The following VPS53 variants were observed in gnomAD, a reference collection of about 807,000 sequenced individuals.
The protein encoded by VPS53 is vacuolar protein sorting-associated protein 53 homolog.
Under a neutral mutation model 107.0 loss-of-function variants are expected in VPS53, and 70 were observed. That is an observed-to-expected ratio of 0.65 (90% CI 0.54 to 0.80). The LOEUF is 0.80. Ranked by LOEUF, VPS53 falls within the 30% of genes least tolerant of loss-of-function variation. The probability of loss-of-function intolerance (pLI) is 0.00; values close to 1 mark genes in which losing one functional copy is unlikely to be tolerated. For synonymous variants in VPS53, 409 were observed against 393.3 expected, an observed-to-expected ratio of 1.04 and a Z score of -0.47; for missense variants, 917 against 1,049.4, an observed-to-expected ratio of 0.87 and a Z score of 1.74.
At chr17:630,569 C>A (rs1307150788) in intron 8 of VPS53, among the ~76,000 whole-genome samples, 2 of 152,166 alleles carry the variant, frequency 1.3e-5, no homozygotes, top group Non-Finnish European at 2.9e-5. Flanking sequence ...TAGCAGACAG[C>A]CACAAAATGT....
chr17:677,323 A>G (rs968290241), intron 4 of VPS53, among the ~76,000 whole-genome samples: 1 of 152,224 alleles, frequency 6.6e-6, no homozygotes, highest in African/African-American at 2.4e-5. Flanking sequence ...CCTGAAGACC[A>G]CAGAAGTGAA....
intron 13 of VPS53, among the ~76,000 whole-genome samples, chr17:570,060 C>G (rs1913894554): frequency 6.6e-6 from 1 of 152,010 alleles, no homozygotes; most frequent in African/African-American, 2.4e-5. Flanking sequence ...AACATCTACA[C>G]CAAGTAATAA....
intron 7 of VPS53, among the ~76,000 whole-genome samples, chr17:639,695 GC>G (rs764340503): frequency 6.6e-6 from 1 of 152,210 alleles, no homozygotes; most frequent in Admixed American, 6.5e-5. Context: ...GATGCTGTTT[GC>G]CTGGGTATCA....
At chr17:624,662 G>A (rs1969613988) in intron 10 of VPS53, among the ~76,000 whole-genome samples, 1 of 152,210 alleles carries the variant, frequency 6.6e-6, no homozygotes, top group Non-Finnish European at 1.5e-5. Flanking sequence ...GGCAGGTACT[G>A]GCGCTCACAA....
chr17:547,513 G>A (rs1342245409), intron 17 of VPS53, among the ~76,000 whole-genome samples: 1 of 152,204 alleles, frequency 6.6e-6, no homozygotes, highest in Non-Finnish European at 1.5e-5. Context: ...TGGTTGTCAG[G>A]GGAATGTAGA....
Position 710,544 on chromosome 17 carries a change from G to A in VPS53, c.157C>T (p.Pro53Ser). 6.2e-7 allele frequency: 1 copy of A among 1,613,794 alleles called. No homozygotes were observed. Among genetic ancestry groups the A allele is most frequent in the Non-Finnish European group, 8.5e-7 (1 of 1,179,842 alleles). Residue 53 changes from proline (P) to serine (S), a missense_variant, in exon 2 of 22, where the codon CCA becomes TCA. Transcript: ENST00000437048. ...NAVEYINTLFPTEQSLANIDE... is the reference protein window; with the variant it reads ...NAVEYINTLFSTEQSLANIDE... ...GAAACTCTACTTACTTGCTCGGTTG[G>A]GAACAGGGTATTGATATACTCAACA... is the stretch of plus-strand genomic sequence containing the variant.
intron 4 of VPS53, 73 bp from the exon 5 acceptor site, chr17:661,968 T>C (rs1168199881): frequency 7.7e-7 from 1 of 1,294,518 alleles, no homozygotes; most frequent in Non-Finnish European, 1.1e-6. Flanking sequence ...TAATCAATGC[T>C]AGGCACAAAA....
intron 4 of VPS53, among the ~76,000 whole-genome samples, chr17:672,165 CACAA>C (rs1351177014): frequency 7.2e-5 from 10 of 138,202 alleles, no homozygotes; most frequent in East Asian, 2.3e-4. Flanking sequence ...CTCTCTCTCA[CACAA>C]TCTCAATCTC....
chr17:653,425 T>C lies in VPS53; in HGVS notation c.489-15A>G, dbSNP rs930105460. 1 of 1,614,186 alleles carries C rather than the reference T, an allele frequency of 6.2e-7. No individual in the cohort carries two copies. Among genetic ancestry groups the C allele is most frequent in the Admixed American group, 1.7e-5 (1 of 60,022 alleles). On this transcript the variant is annotated splice_polypyrimidine_tract_variant and intron_variant, in intron 6 of 21. Transcript: ENST00000437048. ...TGGTCATGGCTCTGCAAGGAAAGAATAAGTTTAAAAGTCTAGAAAAACACT... is the reference window on the plus strand; with the variant it reads ...TGGTCATGGCTCTGCAAGGAAAGAACAAGTTTAAAAGTCTAGAAAAACACT...
rs561465772 is a variant in VPS53 at position 670,736 on chromosome 17, C to A, written c.286-8841G>T. On this transcript the variant is annotated intron_variant, in intron 4 of 21. Transcript: ENST00000437048. ...CTTTCAGAGATTTTAAACCGAGATC[C>A]CCTTTGTGGCCACTGCAGGAAGGAG... 5.3e-5 allele frequency among the ~76,000 whole-genome samples: 8 copies of A among 152,232 alleles called. 1 individual carries two copies. In the South Asian group the frequency reaches 1.7e-3, roughly 32 times the overall value.
chr17:537,445 C>G (rs1401832070), intron 17 of VPS53: 1 of 372,252 alleles, frequency 2.7e-6, no homozygotes, highest in Non-Finnish European at 4.9e-6. Flanking sequence ...ACAGCCTTCC[C>G]TTCTCAGCTA....
At chr17:704,650 T>C (rs1973332807) in intron 2 of VPS53, among the ~76,000 whole-genome samples, 2 of 152,210 alleles carry the variant, frequency 1.3e-5, no homozygotes, top group South Asian at 4.1e-4. Flanking sequence ...GTGTCATAAA[T>C]GTTCTGAGTT....
chr17:600,901 A>G (rs1322020038), intron 12 of VPS53: 1 of 152,256 alleles, frequency 6.6e-6, no homozygotes, highest in Non-Finnish European at 1.5e-5. Flanking sequence ...ACAATCATTT[A>G]ATCAAGGGAC....
intron 7 of VPS53, among the ~76,000 whole-genome samples, chr17:644,588 T>A (rs76514347): frequency 0.027 from 2,914 of 109,400 alleles, 42 homozygotes; most frequent in Non-Finnish European, 0.038. Flanking sequence ...TTTAGTGTTA[T>A]TTTTTTTTTT....
At chr17:628,009 C>G in intron 9 of VPS53, 79 bp downstream of exon 9, 1 of 1,416,032 alleles carries the variant, frequency 7.1e-7, no homozygotes, top group Non-Finnish European at 9.6e-7. Context: ...AATACGAGGT[C>G]TAAATTAGTA....
chr17:543,037 G>T (rs1227165535), intron 17 of VPS53, among the ~76,000 whole-genome samples: 1 of 151,994 alleles, frequency 6.6e-6, no homozygotes, highest in Non-Finnish European at 1.5e-5. Context: ...TTGTCATAAT[G>T]GGAAAAATCT....
intron 7 of VPS53, among the ~76,000 whole-genome samples, chr17:633,662 A>C (rs1970058217): frequency 6.6e-6 from 1 of 152,152 alleles, no homozygotes; most frequent in Admixed American, 6.5e-5. Context: ...GTGGGTTTGT[A>C]GCCTTTTGAG....
intron 11 of VPS53, among the ~76,000 whole-genome samples, chr17:623,016 T>A (rs1392495383): frequency 1.3e-5 from 2 of 151,918 alleles, no homozygotes; most frequent in African/African-American, 2.4e-5. Flanking sequence ...GGAGTGAAAA[T>A]TTGGACCTGG....
chr17:610,766 A>C (rs1963185081), intron 11 of VPS53, among the ~76,000 whole-genome samples: 1 of 150,666 alleles, frequency 6.6e-6, no homozygotes, highest in Non-Finnish European at 1.5e-5. Context: ...AAAAAAAAAA[A>C]AAAAATACAA....
Sources: allele counts gnomAD v4.1 joint callset (sites outside exome capture counted in the v4.1 genomes callset), GRCh38; gene constraint gnomAD v4.1.1; transcripts MANE v1.5; gene names NCBI Gene and HGNC (gene_info 2026-07-23, HGNC 2026-07-21).